LTBP1: variants seen among roughly 807,000 people sequenced by gnomAD.
LTBP1 encodes latent transforming growth factor beta binding protein 1, also known as latent-transforming growth factor beta-binding protein 1.
A neutral mutation model predicts 207.6 loss-of-function variants in LTBP1; 129 were observed. The ratio of observed to expected loss-of-function variants is 0.62; its 90% CI spans 0.54 to 0.72. LTBP1 has a LOEUF of 0.72. Among genes scored for constraint, LTBP1 ranks in the 30% least tolerant of loss-of-function variants. The pLI is 0.00. For missense variants in LTBP1, 2,281 were observed against 2,217.2 expected (o/e 1.03, Z -0.58); for synonymous variants, 963 against 833.7 (o/e 1.16, Z -2.67).
chr2:32,969,900 C>T (rs1416251348), intron 2 of LTBP1, among the ~76,000 whole-genome samples: 2 of 152,132 alleles, frequency 1.3e-5, no homozygotes, highest in Non-Finnish European at 2.9e-5. Flanking sequence ...AGTGTATAAA[C>T]ATTCCCTTTT....
At chr2:33,016,622 T>C (rs1035133407) in intron 2 of LTBP1, among the ~76,000 whole-genome samples, 1 of 152,104 alleles carries the variant, frequency 6.6e-6, no homozygotes, top group African/African-American at 2.4e-5. Flanking sequence ...GATAAGATCT[T>C]GATATAGCCT....
intron 22 of LTBP1, among the ~76,000 whole-genome samples, chr2:33,303,996 C>T (rs570568022): frequency 7.9e-5 from 12 of 152,224 alleles, no homozygotes; most frequent in Non-Finnish European, 1.6e-4. Context: ...CATTGGAGGG[C>T]ATGTTCCTCG....
rs1477877640 is a variant in LTBP1 at position 33,321,714 on chromosome 2, G to T, written c.3730+6445G>T. On this transcript the variant is annotated intron_variant, in intron 24 of 33. Coordinates refer to ENST00000404816, the MANE Select transcript of LTBP1 (RefSeq NM_206943.4). ...CTGATGCAGTAATGTGTTACATGTG[G>T]TGTGCTTAGCCCAAGATTTTCAGGT... is the stretch of plus-strand genomic sequence containing the variant. Among the ~76,000 whole-genome samples the T allele has an allele frequency of 2.0e-5, 3 of 152,192 alleles. No homozygotes were observed. In the South Asian group the frequency reaches 6.2e-4, roughly 32 times the overall value.
chr2:33,339,635 A>G (rs1000584079), intron 24 of LTBP1, among the ~76,000 whole-genome samples: 29 of 151,274 alleles, frequency 1.9e-4, no homozygotes, highest in Non-Finnish European at 3.8e-4. Context: ...ACTGGAAATA[A>G]TTTCATTGAT....
intron 2 of LTBP1, among the ~76,000 whole-genome samples, chr2:32,969,570 C>T (rs755390582): frequency 1.6e-4 from 24 of 152,108 alleles, no homozygotes; most frequent in Non-Finnish European, 2.9e-4. Flanking sequence ...TAATGGCCAC[C>T]AGCTCCATCC....
At chr2:33,384,260 A>G (rs1462600929) in intron 31 of LTBP1, among the ~76,000 whole-genome samples, 1 of 152,256 alleles carries the variant, frequency 6.6e-6, no homozygotes, top group African/African-American at 2.4e-5. Flanking sequence ...CAGCCATGCC[A>G]GGGAAATTAA....
chr2:33,351,980 C>A lies in LTBP1; in HGVS notation c.4000+4470C>A, dbSNP rs538213753. 1.5e-3 allele frequency among the ~76,000 whole-genome samples: 234 copies of A among 152,290 alleles called. 1 individual carries two copies. The highest frequency in any genetic ancestry group is 2.6e-3 in the Non-Finnish European group (179 of 68,028). Reference sequence around the variant, plus strand: ...ATGACATTGCCTGCTAAGTAAATATCTTCTGCCCCCACCTCTGTTGTGAGT... The same window carrying A: ...ATGACATTGCCTGCTAAGTAAATATATTCTGCCCCCACCTCTGTTGTGAGT... On this transcript the variant is annotated intron_variant, in intron 26 of 33. Coordinates refer to ENST00000404816, the MANE Select transcript of LTBP1 (RefSeq NM_206943.4).
Position 33,353,735 on chromosome 2 carries a change from A to T in LTBP1, c.4000+6225A>T, listed in dbSNP as rs554653651. On this transcript the variant is annotated intron_variant, in intron 26 of 33. Transcript: ENST00000404816. ...GAAGAGGTTAAATTAAAAGAAAAAAAGAACATCTCCCCACTGTCAAGGAAC... is the reference window on the plus strand; with the variant it reads ...GAAGAGGTTAAATTAAAAGAAAAAATGAACATCTCCCCACTGTCAAGGAAC... 3.2e-3 allele frequency among the ~76,000 whole-genome samples: 482 copies of T among 152,354 alleles called. 3 individuals carry two copies. Among genetic ancestry groups the T allele is most frequent in the African/African-American group, 0.011 (463 of 41,578 alleles).
intron 31 of LTBP1, among the ~76,000 whole-genome samples, chr2:33,387,871 A>C (rs924985989): frequency 1.3e-5 from 2 of 152,090 alleles, no homozygotes; most frequent in Non-Finnish European, 2.9e-5. Context: ...ATAGAGGAAA[A>C]TTCTAGGCAA....
chr2:33,234,134 C>G (rs1484070425), intron 9 of LTBP1, among the ~76,000 whole-genome samples: 1 of 152,102 alleles, frequency 6.6e-6, no homozygotes, highest in Non-Finnish European at 1.5e-5. Context: ...TTTTAGAATT[C>G]TGCCTTATAA....
At chr2:33,340,186 A>G (rs2149626877) in intron 24 of LTBP1, among the ~76,000 whole-genome samples, 1 of 149,400 alleles carries the variant, frequency 6.7e-6, no homozygotes, top group East Asian at 2.0e-4. Flanking sequence ...TGAACCCAAT[A>G]GGTGGAGTTT....
At chr2:33,223,710 A>G in intron 9 of LTBP1, among the ~76,000 whole-genome samples, 1 of 152,202 alleles carries the variant, frequency 6.6e-6, no homozygotes, top group East Asian at 1.9e-4. Context: ...AGTGGAAGTA[A>G]CAACCTTGTA....
At chr2:33,127,001 T>G (rs556580960) in intron 4 of LTBP1, among the ~76,000 whole-genome samples, 124 of 152,382 alleles carry the variant, frequency 8.1e-4, no homozygotes, top group African/African-American at 2.8e-3. Flanking sequence ...TTTTGGCCAT[T>G]GCAAAAATGT....
At chr2:33,003,888 C>T (rs1324739359) in intron 2 of LTBP1, among the ~76,000 whole-genome samples, 2 of 152,170 alleles carry the variant, frequency 1.3e-5, no homozygotes, top group Non-Finnish European at 2.9e-5. Context: ...CACACAAAAA[C>T]ATATTTCTGC....
At chr2:33,227,066 T>C (rs937743127) in intron 9 of LTBP1, among the ~76,000 whole-genome samples, 5 of 151,952 alleles carry the variant, frequency 3.3e-5, no homozygotes, top group Non-Finnish European at 7.4e-5. Context: ...AGACGGAGTC[T>C]TGTTTGTTGC....
Position 33,325,492 on chromosome 2 carries a change from C to T in LTBP1, c.3730+10223C>T, listed in dbSNP as rs561428685. On this transcript the variant is annotated intron_variant, in intron 24 of 33. Transcript: ENST00000404816. ...AGAAAAGCTGTATGAAAAGAGAAAG[C>T]GTACAGCATGGATCTAAATTTAGAA... Among the ~76,000 whole-genome samples, 3 of 152,176 alleles carry T rather than the reference C, an allele frequency of 2.0e-5. No individual in the cohort carries two copies. In the South Asian group the frequency reaches 6.2e-4, roughly 32 times the overall value.
chr2:33,238,071 T>C, intron 9 of LTBP1, among the ~76,000 whole-genome samples: 1 of 152,322 alleles, frequency 6.6e-6, no homozygotes, highest in East Asian at 1.9e-4. Context: ...AAGTGATCCT[T>C]ATTAAATAAC....
intron 22 of LTBP1, among the ~76,000 whole-genome samples, chr2:33,308,671 A>G (rs1193936472): frequency 6.6e-6 from 1 of 152,238 alleles, no homozygotes; most frequent in Admixed American, 6.5e-5. Flanking sequence ...TTGGACTTAT[A>G]AAACAATGTA....
At chr2:33,150,704 C>CTTTTTTTTTTTTT (rs1211013076) in intron 5 of LTBP1, among the ~76,000 whole-genome samples, 5 of 108,838 alleles carry the variant, frequency 4.6e-5, no homozygotes, top group African/African-American at 1.8e-4. Context: ...TTTCTTTTTT[C>CTTTTTTTTTTTTT]TTTTTCTTTT....
Sources: gnomAD v4.1 joint callset for allele counts (sites outside exome capture counted in the v4.1 genomes callset) on GRCh38, gnomAD v4.1.1 for gene constraint, MANE v1.5 for transcripts, NCBI Gene and HGNC (gene_info 2026-07-23, HGNC 2026-07-21) for gene names.